Variants in ACAP3 observed in about 807,000 individuals in gnomAD.
ACAP3 encodes the protein ArfGAP with coiled-coil, ankyrin repeat and PH domains 3.
In ACAP3, 56 loss-of-function variants were observed where a neutral mutation model predicts 104.1. The observed-to-expected ratio is 0.54, with a 90% CI of 0.43 to 0.67. The LOEUF (loss-of-function observed/expected upper bound fraction) is 0.67. Among genes scored for constraint, ACAP3 ranks in the 30% least tolerant of loss-of-function variants. The pLI, the probability that ACAP3 is intolerant of heterozygous loss-of-function variation, is 0.00. For missense variants in ACAP3, 1,208 were observed against 1,174.9 expected, an observed-to-expected ratio of 1.03 and a Z score of -0.41; for synonymous variants, 628 against 496.2, an observed-to-expected ratio of 1.27 and a Z score of -3.53.
rs576783325 is a variant in ACAP3, at chr1:1,303,923, C to A, written c.105+163G>T. On this transcript the variant is annotated intron_variant, in intron 2 of 23. Transcript: ENST00000354700. This position sits in a 1 kb window ranked among gnomAD's most constrained non-coding sequence, Gnocchi z 4.0. ...CATGTGTGCATGTGACATGTGCACC[C>A]TGGAACACACATGCTAAGACACAGG... 149 of 834,824 alleles carry A rather than the reference C, an allele frequency of 1.8e-4. No individual in the cohort carries two copies. In the East Asian group the frequency reaches 3.3e-3, roughly 19 times the overall value. The allele number at this position is 834,824 out of a possible 1,614,324, so 51.7% of individuals were successfully genotyped here. A position where few individuals can be genotyped will look rare whatever the true frequency, so the allele number is the denominator to read the frequency against.
chr1:1,302,231 C>T lies in ACAP3; in HGVS notation c.280-185G>A, dbSNP rs191086525. On this transcript the variant is annotated intron_variant, in intron 4 of 23. Transcript: ENST00000354700. ...CCAGGCCTGAGTTGGCACTCAGAGGCGATGGCTGTCACCCCTGCCCCTCTG... is the reference window on the plus strand; with the variant it reads ...CCAGGCCTGAGTTGGCACTCAGAGGTGATGGCTGTCACCCCTGCCCCTCTG... 1.1e-3 allele frequency among the ~76,000 whole-genome samples: 162 copies of T among 152,252 alleles called. 1 individual carries two copies. Among genetic ancestry groups the T allele is most frequent in the African/African-American group, 2.6e-3 (107 of 41,556 alleles).
intron 1 of ACAP3, 146 bp from the exon 2 acceptor site, chr1:1,304,289 G>A: frequency 2.1e-6 from 2 of 957,216 alleles, no homozygotes; most frequent in East Asian, 2.6e-5. Flanking sequence ...CCTGCTACGG[G>A]GGCAGGACTG....
chr1:1,294,748 C>T lies in ACAP3; in HGVS notation c.1882G>A (p.Gly628Ser). Residue 628 changes from glycine to serine, a missense_variant, in exon 20 of 24, where the codon GGC (glycine) becomes AGC (serine). Physicochemically the swap from Gly to Ser is moderately conservative, Grantham distance 56. Transcript: ENST00000354700. Reference protein sequence around the residue: ...GSSDVLAFGSGSVVDSVTEEE... With the variant: ...GSSDVLAFGSSSVVDSVTEEE... Reference sequence around the variant, plus strand: ...TCAGTGACGCTGTCCACCACAGAGCCCGAGCCGAAAGCCAGGACGTCCGAG... The same window carrying T: ...TCAGTGACGCTGTCCACCACAGAGCTCGAGCCGAAAGCCAGGACGTCCGAG... 1.6e-5 allele frequency: 25 copies of T among 1,549,802 alleles called. No homozygotes were observed. The highest frequency in any genetic ancestry group is 2.0e-5 in the Non-Finnish European group (23 of 1,146,712).
chr1:1,294,395 C>A lies in ACAP3; in HGVS notation c.2139+7G>T. ...TGTCCTGCGCGCAGCCCCCGTGGCT[C>A]GCTCACCCCTAGCACGGCCTGCACC... is the stretch of plus-strand genomic sequence containing the variant. On this transcript the variant is annotated splice_region_variant and intron_variant, in intron 21 of 23. Coordinates refer to ENST00000354700, the MANE Select transcript of ACAP3 (RefSeq NM_030649.3). 1 of 1,569,568 alleles carries A rather than the reference C, an allele frequency of 6.4e-7. No individual in the cohort carries two copies. Among genetic ancestry groups the A allele is most frequent in the Non-Finnish European group, 8.6e-7 (1 of 1,161,968 alleles).
rs900420154 is a variant in ACAP3 at position 1,292,893 on chromosome 1, T to G, written c.*671A>C. The G allele has an allele frequency of 6.6e-6, 1 of 152,268 alleles. No individual in the cohort carries two copies. The highest frequency in any genetic ancestry group is 2.4e-5 in the African/African-American group (1 of 41,468). 9.4% of individuals were successfully genotyped at this position (152,268 alleles called of 1,614,324 possible). A position where few individuals can be genotyped will look rare whatever the true frequency, so the allele number is the denominator to read the frequency against. ...GCTGCAAAGTGGCAAAGTGGCTTTA[T>G]GCGCAGGCTCTGGGCCGAGTACCAG... On this transcript the variant is annotated 3_prime_UTR_variant, in exon 24 of 24. Coordinates refer to ENST00000354700, the MANE Select transcript of ACAP3 (RefSeq NM_030649.3).
intron 19 of ACAP3, chr1:1,295,107 G>T (rs369722813): frequency 1.8e-6 from 1 of 553,400 alleles, no homozygotes; most frequent in Non-Finnish European, 3.2e-6. Context: ...CCCCAGCCCC[G>T]TCTGTGGCTG....
intron 14 of ACAP3, 107 bp from the exon 15 acceptor site, chr1:1,296,740 C>T (rs1222114518): frequency 4.1e-6 from 5 of 1,213,310 alleles, no homozygotes; most frequent in South Asian, 2.8e-5. Flanking sequence ...CAGGGCCCCT[C>T]GAGCACACGC....
At chr1:1,295,080 ACCCC>A (rs1316675075) in intron 19 of ACAP3, 1 of 554,908 alleles carries the variant, frequency 1.8e-6, no homozygotes, top group East Asian at 3.0e-5. Context: ...CTTACCCGGC[ACCCC>A]CCGCAGTGGG....
At chr1:1,307,679 C>G (rs1235771408) in intron 1 of ACAP3, 90 bp downstream of exon 1, 20 of 1,034,714 alleles carry the variant, frequency 1.9e-5, no homozygotes, top group African/African-American at 5.2e-5. Context: ...CGGCCCGGCC[C>G]GGCGCTGACC....
intron 15 of ACAP3, 39 bp from the exon 16 acceptor site, chr1:1,296,319 G>A: frequency 6.5e-7 from 1 of 1,549,820 alleles, no homozygotes; most frequent in Non-Finnish European, 8.7e-7. Flanking sequence ...GGGGAGGCAA[G>A]GCCCCCAGCT....
At chr1:1,301,962 T>C in intron 5 of ACAP3, 26 bp downstream of exon 5, 1 of 1,536,662 alleles carries the variant, frequency 6.5e-7, no homozygotes, top group Non-Finnish European at 8.8e-7. Context: ...CTCAGTGTTC[T>C]TCCCCCAGCC....
Position 1,303,361 on chromosome 1 carries a change from G to C in ACAP3, c.106-80C>G, listed in dbSNP as rs969552231. 2 of 1,513,100 alleles carry C rather than the reference G, an allele frequency of 1.3e-6. No individual in the cohort carries two copies. Among genetic ancestry groups the C allele is most frequent in the Admixed American group, 4.1e-5 (2 of 48,776 alleles). 93.7% of individuals were successfully genotyped at this position (1,513,100 alleles called of 1,614,324 possible). A position where few individuals can be genotyped will look rare whatever the true frequency, so the allele number is the denominator to read the frequency against. ...ACCACACACGGCCACTCAGAGGCAG[G>C]AAGAGCTCCCAGGGTAGGTTCCACT... On this transcript the variant is annotated intron_variant, in intron 2 of 23. Coordinates refer to ENST00000354700, the MANE Select transcript of ACAP3 (RefSeq NM_030649.3). The surrounding 1 kb of genome is among the most constrained non-coding windows in gnomAD (Gnocchi z 4.0).
Position 1,293,280 on chromosome 1 carries a change from C to T in ACAP3, c.*284G>A, listed in dbSNP as rs1640921037. On this transcript the variant is annotated 3_prime_UTR_variant, in exon 24 of 24. Transcript: ENST00000354700. ...AAAAGTGGCTTGTGACATGAGCAAC[C>T]CAGGCCCCTGAAAAGGGGTGACCTG... 1.2e-5 allele frequency: 3 copies of T among 247,896 alleles called. No homozygotes were observed. In the East Asian group the frequency reaches 2.7e-4, roughly 22 times the overall value. The allele number at this position is 247,896 out of a possible 1,614,324, so 15.4% of individuals were successfully genotyped here.
Position 1,294,587 on chromosome 1 carries a change from C to T in ACAP3, c.1954G>A (p.Asp652Asn), listed in dbSNP as rs763066539. 34 of 1,515,008 alleles carry T rather than the reference C, an allele frequency of 2.2e-5. No individual in the cohort carries two copies. The East Asian group carries it at 8.5e-4, about 38-fold the overall frequency. The allele number at this position is 1,515,008 out of a possible 1,614,324, so 93.8% of individuals were successfully genotyped here. Residue 652 changes from aspartate (D) to asparagine (N), a missense_variant, in exon 21 of 24, where the codon GAC becomes AAC. Coordinates refer to ENST00000354700, the MANE Select transcript of ACAP3 (RefSeq NM_030649.3). ...SEESSGEADG[D>N]TEAEAWGLAD... ...AGGCCCCAGGCCTCGGCCTCAGTGT[C>T]CCCGTCTGCCTCACCGCTGGACTCC...
chr1:1,296,538 A>G lies in ACAP3; in HGVS notation c.1224T>C (p.Arg408=). ...RGVKGESVLQ[R]VQSVAGNSQC... The stretch of plus-strand genomic sequence containing the variant: ...GGCTGTTGCCGGCCACACTCTGCAC[A>G]CGCTGCAGCACACTCTCGCCCTTCA... The change falls in exon 15 of 24, where the codon CGT becomes CGC. Residue 408 remains arginine (R), a synonymous_variant. Coordinates refer to ENST00000354700, the MANE Select transcript of ACAP3 (RefSeq NM_030649.3). 6.5e-7 allele frequency: 1 copy of G among 1,539,748 alleles called. No individual in the cohort carries two copies. The highest frequency in any genetic ancestry group is 8.7e-7 in the Non-Finnish European group (1 of 1,146,672).
intron 1 of ACAP3, chr1:1,307,296 C>A: frequency 7.8e-7 from 1 of 1,289,202 alleles, no homozygotes; most frequent in Non-Finnish European, 1.0e-6. Context: ...CCTCCAAGCC[C>A]CTGGGTCATT....
intron 10 of ACAP3, chr1:1,298,960 C>G: frequency 1.8e-6 from 1 of 551,710 alleles, no homozygotes; most frequent in Non-Finnish European, 3.2e-6. Context: ...AGGCTGCGAT[C>G]AGGAAGGAAG....
rs115316036 is a variant in ACAP3 at position 1,306,660 on chromosome 1, G to A, written c.47+1109C>T. 3.5e-3 allele frequency among the ~76,000 whole-genome samples: 531 copies of A among 152,298 alleles called. 6 individuals are homozygous for A. The highest frequency in any genetic ancestry group is 0.012 in the African/African-American group (495 of 41,562). On this transcript the variant is annotated intron_variant, in intron 1 of 23. Transcript: ENST00000354700. ...CAGCAGATCCCAAGAGACCCAGCGC[G>A]CGCGTGCACACCCACACATACACAA...
Position 1,296,593 on chromosome 1 carries a change from T to C in ACAP3, c.1169A>G (p.Asp390Gly), listed in dbSNP as rs1446802599. ...RTASPSTSSI[D>G]SATDTRERGV... Reference sequence around the variant, plus strand: ...ACGCTCCCGAGTGTCGGTGGCGGAGTCGATGCTGCTCGTGGACGGGGATGC... The same window carrying C: ...ACGCTCCCGAGTGTCGGTGGCGGAGCCGATGCTGCTCGTGGACGGGGATGC... Residue 390 changes from aspartate (D) to glycine (G), a missense_variant, in exon 15 of 24, where the codon GAC (aspartate) becomes GGC (glycine). Transcript: ENST00000354700. 2 of 1,538,532 alleles carry C rather than the reference T, an allele frequency of 1.3e-6. No individual in the cohort carries two copies. Among genetic ancestry groups the C allele is most frequent in the Non-Finnish European group, 1.7e-6 (2 of 1,146,522 alleles).
Sources: allele counts gnomAD v4.1 joint callset (sites outside exome capture counted in the v4.1 genomes callset), GRCh38; gene constraint gnomAD v4.1.1; non-coding constraint Gnocchi (gnomAD v3.1); transcripts MANE v1.5; gene names NCBI Gene and HGNC (gene_info 2026-07-23, HGNC 2026-07-21).